The following WNK1 variants were observed in gnomAD, a reference collection of about 807,000 sequenced individuals.
WNK1 encodes WNK lysine deficient protein kinase 1, also known as serine/threonine-protein kinase WNK1.
WNK1 carries 38 observed loss-of-function variants against 222.8 expected under a neutral mutation model. The observed-to-expected ratio is 0.17, with a 90% confidence interval of 0.13 to 0.22. The LOEUF is 0.22. Ranked by LOEUF, WNK1 falls within the 10% of genes least tolerant of loss-of-function variation. WNK1 has a pLI of 1.00. For missense variants in WNK1, 2,348 were observed against 2,918.4 expected (o/e 0.80, Z 4.50); for synonymous variants, 1,090 against 1,092.9 (o/e 1.00, Z 0.05).
rs1953749705 is a variant in WNK1 at position 887,213 on chromosome 12, G to A, written c.5281-8G>A. ...TCACGGACTTGATTTTCCCTTTGTT[G>A]TCTGTAGGTGCTGCCAGTGGGTACT... On this transcript the variant is annotated splice_region_variant and splice_polypyrimidine_tract_variant and intron_variant, in intron 19 of 27. Coordinates refer to ENST00000315939, the MANE Select transcript of WNK1 (RefSeq NM_018979.4). 1 of 1,613,842 alleles carries A rather than the reference G, an allele frequency of 6.2e-7. No individual in the cohort carries two copies. The highest frequency in any genetic ancestry group is 1.3e-5 in the African/African-American group (1 of 74,872).
chr12:780,894 G>A (rs1042699342), intron 1 of WNK1, among the ~76,000 whole-genome samples: 3 of 152,178 alleles, frequency 2.0e-5, no homozygotes, highest in African/African-American at 7.2e-5. Context: ...CCTTGGTACA[G>A]TCTGATTCCT....
chr12:807,965 C>T (rs1397273339), intron 1 of WNK1, among the ~76,000 whole-genome samples: 2 of 151,908 alleles, frequency 1.3e-5, no homozygotes, highest in Non-Finnish European at 2.9e-5. Context: ...GTGATCCGCC[C>T]GCCTCGGCCT....
At chr12:775,941 T>C (rs1407718470) in intron 1 of WNK1, among the ~76,000 whole-genome samples, 1 of 152,154 alleles carries the variant, frequency 6.6e-6, no homozygotes, top group African/African-American at 2.4e-5. Flanking sequence ...TGTTTGTTTG[T>C]TTTTCATTTT....
At chr12:897,726 G>A in intron 25 of WNK1, 45 bp downstream of exon 25, 2 of 1,590,528 alleles carry the variant, frequency 1.3e-6, no homozygotes, top group Non-Finnish European at 1.7e-6. Flanking sequence ...CCTATCTTTT[G>A]TTTCTGTCTC....
At chr12:799,892 C>T (rs776367224) in intron 1 of WNK1, among the ~76,000 whole-genome samples, 3 of 152,090 alleles carry the variant, frequency 2.0e-5, no homozygotes, top group Non-Finnish European at 4.4e-5. Flanking sequence ...ACCATGTTGG[C>T]CAGGCTGTTC....
At chr12:848,046 C>G (rs975107779) in intron 4 of WNK1, among the ~76,000 whole-genome samples, 4 of 152,050 alleles carry the variant, frequency 2.6e-5, no homozygotes, top group Non-Finnish European at 1.5e-5. Flanking sequence ...TCCTCGTGAT[C>G]TGCCCGCTTC....
At chr12:804,772 A>G (rs1591779645) in intron 1 of WNK1, among the ~76,000 whole-genome samples, 1 of 152,020 alleles carries the variant, frequency 6.6e-6, no homozygotes, top group East Asian at 1.9e-4. Flanking sequence ...GTGAATTTGC[A>G]TATGCTAGAT....
At chr12:826,961 C>A in intron 2 of WNK1, 81 bp from the exon 3 acceptor site, 1 of 1,116,678 alleles carries the variant, frequency 9.0e-7, no homozygotes, top group Non-Finnish European at 1.3e-6. Context: ...CATCTCCAGT[C>A]ATGTTAGAAT....
At chr12:801,006 T>C (rs187209679) in intron 1 of WNK1, among the ~76,000 whole-genome samples, 5 of 152,330 alleles carry the variant, frequency 3.3e-5, no homozygotes, top group African/African-American at 1.2e-4. Flanking sequence ...AAGGTATTGG[T>C]TCCTTTCTCA....
chr12:835,107 T>C (rs1949082773), intron 4 of WNK1, among the ~76,000 whole-genome samples: 1 of 152,156 alleles, frequency 6.6e-6, no homozygotes, highest in Non-Finnish European at 1.5e-5. Flanking sequence ...TTGCTTGAGC[T>C]CAGGAGTTCA....
intron 1 of WNK1, among the ~76,000 whole-genome samples, chr12:812,477 G>C (rs1032150998): frequency 6.6e-6 from 1 of 152,160 alleles, no homozygotes; most frequent in Non-Finnish European, 1.5e-5. Flanking sequence ...TTCTATGGGG[G>C]ATAAGAGTCA....
chr12:848,496 C>CTTT (rs10644583), intron 4 of WNK1, among the ~76,000 whole-genome samples: 5,956 of 99,174 alleles, frequency 0.06, 380 homozygotes, highest in African/African-American at 0.072. Flanking sequence ...CCAGTAAAAA[C>CTTT]TTTTTTTTTT....
At chr12:883,676 C>A in intron 16 of WNK1, 98 bp from the exon 17 acceptor site, 3 of 1,596,294 alleles carry the variant, frequency 1.9e-6, no homozygotes, top group Non-Finnish European at 2.6e-6. Context: ...CCATGACCGA[C>A]AACAAACTTT....
intron 26 of WNK1, among the ~76,000 whole-genome samples, chr12:904,841 C>T (rs1955565551): frequency 6.6e-6 from 1 of 152,156 alleles, no homozygotes; most frequent in African/African-American, 2.4e-5. Context: ...GTGACGAAAG[C>T]ATACAAAAGT....
Position 909,578 on chromosome 12 carries a change from C to CT in WNK1, c.*789dup, listed in dbSNP as rs1442746825. The CT allele has an allele frequency of 6.6e-6, 1 of 152,186 alleles. No individual in the cohort carries two copies. Among genetic ancestry groups the CT allele is most frequent in the African/African-American group, 2.4e-5 (1 of 41,438 alleles). The allele number at this position is 152,186 out of a possible 1,614,324, so 9.4% of individuals were successfully genotyped here. A position where few individuals can be genotyped will look rare whatever the true frequency, so the allele number is the denominator to read the frequency against. ...GCTCTGTCCTTTACTTATTGAGACACTTTAACTTTTTCCTTTGTATTTCCA... is the reference window on the plus strand; with the variant it reads ...GCTCTGTCCTTTACTTATTGAGACACTTTTAACTTTTTCCTTTGTATTTCCA... On this transcript the variant is annotated 3_prime_UTR_variant, in exon 28 of 28. Transcript: ENST00000315939.
intron 2 of WNK1, among the ~76,000 whole-genome samples, chr12:819,733 G>A (rs924728035): frequency 9.2e-5 from 14 of 152,100 alleles, no homozygotes; most frequent in African/African-American, 3.4e-4. Flanking sequence ...CCATTTTTAA[G>A]TTAACTTTTG....
chr12:766,388 G>A (rs1460837641), intron 1 of WNK1, among the ~76,000 whole-genome samples: 1 of 152,200 alleles, frequency 6.6e-6, no homozygotes, highest in Non-Finnish European at 1.5e-5. Flanking sequence ...AGCTGGAAAA[G>A]GTCTTTAAAA....
chr12:851,914 A>C (rs1421712794), intron 4 of WNK1: 5 of 801,302 alleles, frequency 6.2e-6, no homozygotes, highest in Non-Finnish European at 8.4e-6. Flanking sequence ...AGAATGCTTT[A>C]AAAATATTTA....
chr12:821,198 A>G (rs1256909538), intron 2 of WNK1, among the ~76,000 whole-genome samples: 33 of 152,148 alleles, frequency 2.2e-4, no homozygotes. Flanking sequence ...CATTTCATAG[A>G]TAAATAGTGT....
Sources: gnomAD v4.1 joint callset for allele counts (sites outside exome capture counted in the v4.1 genomes callset) on GRCh38, gnomAD v4.1.1 for gene constraint, MANE v1.5 for transcripts, NCBI Gene and HGNC (gene_info 2026-07-23, HGNC 2026-07-21) for gene names.